Variants in SOX5 observed in about 807,000 individuals in gnomAD.
The protein encoded by SOX5 is SRY-box transcription factor 5.
In SOX5, 9 loss-of-function variants were observed where a neutral mutation model predicts 92.0. The observed-to-expected ratio is 0.10, with a 90% CI of 0.06 to 0.17. The LOEUF is 0.17. SOX5 is among the 10% of genes least tolerant of loss of function. The pLI is 1.00. For missense variants in SOX5, 642 were observed against 944.5 expected (o/e 0.68, Z 4.20); for synonymous variants, 344 against 336.3 (o/e 1.02, Z -0.25).
At chr12:24,064,655 A>C (rs985850944) in intron 4 of SOX5, among the ~76,000 whole-genome samples, 2 of 152,230 alleles carry the variant, frequency 1.3e-5, no homozygotes, top group African/African-American at 4.8e-5. Context: ...TGTTCTCCTT[A>C]TGAGACTGTG....
intron 3 of SOX5, among the ~76,000 whole-genome samples, chr12:23,771,499 G>A (rs539577706): frequency 1.3e-5 from 2 of 152,320 alleles, no homozygotes; most frequent in African/African-American, 4.8e-5. Context: ...CTGTGAACAA[G>A]GGTCGGGATT....
intron 2 of SOX5, among the ~76,000 whole-genome samples, chr12:24,325,658 T>C (rs1240855809): frequency 6.6e-6 from 1 of 152,162 alleles, no homozygotes; most frequent in Non-Finnish European, 1.5e-5. Context: ...TGCATTTACA[T>C]GATAGTGGAA....
chr12:23,602,690 C>G (rs1426223973), intron 9 of SOX5, among the ~76,000 whole-genome samples: 2 of 152,056 alleles, frequency 1.3e-5, no homozygotes, highest in Non-Finnish European at 2.9e-5. Flanking sequence ...TAATACCTCA[C>G]AGACACACAT....
intron 13 of SOX5, 47 bp from the exon 14 acceptor site, chr12:23,536,716 A>C: frequency 7.0e-7 from 1 of 1,431,974 alleles, no homozygotes; most frequent in Non-Finnish European, 9.9e-7. Flanking sequence ...GCTTCTAAGC[A>C]TTCCAGAAAG....
chr12:24,025,013 A>G (rs1352509114), intron 4 of SOX5, among the ~76,000 whole-genome samples: 1 of 152,100 alleles, frequency 6.6e-6, no homozygotes, highest in Non-Finnish European at 1.5e-5. Context: ...ACATTTACTA[A>G]AATCCTATCT....
At chr12:23,893,952 T>G (rs1210420813) in intron 2 of SOX5, among the ~76,000 whole-genome samples, 2 of 152,208 alleles carry the variant, frequency 1.3e-5, no homozygotes, top group Non-Finnish European at 2.9e-5. Flanking sequence ...ATATGAAATA[T>G]GCCTGTGCTC....
chr12:24,280,037 C>T (rs1418818725), intron 2 of SOX5, among the ~76,000 whole-genome samples: 1 of 151,892 alleles, frequency 6.6e-6, no homozygotes, highest in Non-Finnish European at 1.5e-5. Context: ...TTTTTTCTCC[C>T]ACTAGGGACT....
chr12:24,305,067 A>G (rs1006984630), intron 2 of SOX5, among the ~76,000 whole-genome samples: 1 of 152,166 alleles, frequency 6.6e-6, no homozygotes, highest in African/African-American at 2.4e-5. Flanking sequence ...AGACCCCACA[A>G]TGACTGATGT....
At chr12:23,966,731 G>T (rs928131892) in intron 4 of SOX5, among the ~76,000 whole-genome samples, 1 of 152,082 alleles carries the variant, frequency 6.6e-6, no homozygotes, top group African/African-American at 2.4e-5. Flanking sequence ...GTAAACTGGG[G>T]ATAACAATAC....
intron 1 of SOX5, among the ~76,000 whole-genome samples, chr12:23,937,762 C>A (rs1380880684): frequency 2.0e-5 from 3 of 150,826 alleles, no homozygotes; most frequent in Non-Finnish European, 3.0e-5. Flanking sequence ...ATGGAGGGAA[C>A]AAAATTTTGG....
rs536972261 is a variant in SOX5 at position 23,845,138 on chromosome 12, A to G, written c.481+845T>C. ...AGAAATGAGCCCAACTTATTGTTAC[A>G]CGGTATACACGCAGTGTATTTTTGT... On this transcript the variant is annotated intron_variant, in intron 3 of 14. Coordinates refer to ENST00000451604, the MANE Select transcript of SOX5 (RefSeq NM_006940.6). Among the ~76,000 whole-genome samples the G allele has an allele frequency of 1.1e-4, 16 of 152,318 alleles. No individual in the cohort carries two copies. The South Asian group carries it at 3.3e-3, about 32-fold the overall frequency.
intron 12 of SOX5, among the ~76,000 whole-genome samples, chr12:23,544,554 T>G (rs1160826390): frequency 6.6e-6 from 1 of 152,210 alleles, no homozygotes; most frequent in Non-Finnish European, 1.5e-5. Flanking sequence ...TTGCCCAAAC[T>G]TGAAGACCTC....
chr12:24,201,476 C>T (rs1465717418), intron 4 of SOX5, among the ~76,000 whole-genome samples: 2 of 152,198 alleles, frequency 1.3e-5, no homozygotes, highest in African/African-American at 4.8e-5. Context: ...CCATTCTCTA[C>T]TAGCAGTATA....
chr12:24,457,074 T>C (rs754425933), intron 1 of SOX5, among the ~76,000 whole-genome samples: 1 of 152,230 alleles, frequency 6.6e-6, no homozygotes, highest in African/African-American at 2.4e-5. Context: ...AAGTTATTTA[T>C]AGATTGAAAT....
intron 8 of SOX5, among the ~76,000 whole-genome samples, chr12:23,615,762 C>T (rs962161734): frequency 2.7e-4 from 41 of 152,062 alleles, no homozygotes; most frequent in Admixed American, 2.6e-4. Context: ...AGGTATATGC[C>T]CAATAATGGG....
intron 4 of SOX5, among the ~76,000 whole-genome samples, chr12:24,042,104 T>C (rs1956581845): frequency 6.6e-6 from 1 of 152,074 alleles, no homozygotes; most frequent in African/African-American, 2.4e-5. Context: ...ATTTAATCAT[T>C]TGAGTATATT....
intron 2 of SOX5, among the ~76,000 whole-genome samples, chr12:24,324,346 T>C (rs1401254772): frequency 2.6e-5 from 4 of 152,128 alleles, no homozygotes; most frequent in South Asian, 4.2e-4. Context: ...GATACATATA[T>C]TAAACTGATT....
At chr12:24,216,567 G>C (rs962084055) in intron 3 of SOX5, among the ~76,000 whole-genome samples, 11 of 152,192 alleles carry the variant, frequency 7.2e-5, no homozygotes, top group African/African-American at 2.2e-4. Context: ...AAGAAGATCT[G>C]AAGATTGAGT....
chr12:24,405,918 T>A (rs10842339), intron 1 of SOX5, among the ~76,000 whole-genome samples: 1 of 151,306 alleles, frequency 6.6e-6, no homozygotes, highest in Non-Finnish European at 1.5e-5. Flanking sequence ...CATCTTTCCC[T>A]GAGACAGAGA....
Sources: gnomAD v4.1 joint callset for allele counts (sites outside exome capture counted in the v4.1 genomes callset) on GRCh38, gnomAD v4.1.1 for gene constraint, MANE v1.5 for transcripts, NCBI Gene and HGNC (gene_info 2026-07-23, HGNC 2026-07-21) for gene names.